Variants in RERGL observed in about 807,000 individuals in gnomAD.
RERGL encodes the protein ras-related and estrogen-regulated growth inhibitor-like protein.
RERGL carries 22 observed loss-of-function variants against 24.7 expected under a neutral mutation model. The ratio of observed to expected loss-of-function variants is 0.89; its 90% CI spans 0.64 to 1.27. The LOEUF is 1.27. Ranked by LOEUF, RERGL falls within the 50% of genes most tolerant of loss-of-function variation. RERGL has a pLI of 0.00. For synonymous variants in RERGL, 76 were observed against 82.6 expected (o/e 0.92, Z 0.43); for missense variants, 259 against 235.3 (o/e 1.10, Z -0.66).
intron 4 of RERGL, among the ~76,000 whole-genome samples, chr12:18,084,092 T>C (rs1291275122): frequency 6.6e-6 from 1 of 152,202 alleles, no homozygotes; most frequent in Non-Finnish European, 1.5e-5. Context: ...CAGTCTATTT[T>C]GCTTTGATAG....
chr12:18,085,975 A>G (rs1239488653), intron 2 of RERGL, among the ~76,000 whole-genome samples: 2 of 145,104 alleles, frequency 1.4e-5, no homozygotes, highest in African/African-American at 5.2e-5. Flanking sequence ...CTCCTGCCTC[A>G]GCCTCCCGAG....
At chr12:18,084,344 T>C (rs1052843307) in intron 4 of RERGL, among the ~76,000 whole-genome samples, 173 bp downstream of exon 4, 4 of 152,188 alleles carry the variant, frequency 2.6e-5, no homozygotes, top group African/African-American at 9.6e-5. Context: ...ATATAAAGCA[T>C]TCTCATCTTA....
chr12:18,083,669 C>G (rs1161742687), intron 4 of RERGL, among the ~76,000 whole-genome samples: 2 of 152,020 alleles, frequency 1.3e-5, no homozygotes, highest in Non-Finnish European at 2.9e-5. Context: ...CAATTATTAT[C>G]CATGATTTCT....
rs1947245160 is a variant in RERGL at position 18,088,974 on chromosome 12, T to C, written c.53-18A>G. 6 of 1,593,716 alleles carry C rather than the reference T, an allele frequency of 3.8e-6. No homozygotes were observed. The East Asian group carries it at 1.1e-4, about 30-fold the overall frequency. On this transcript the variant is annotated intron_variant, in intron 1 of 4. Transcript: ENST00000538724. ...TGTAAGGGCTGCAAAGCAAACAATCTAGATTTAGGGCTGTTATATTTTAGG... is the reference window on the plus strand; with the variant it reads ...TGTAAGGGCTGCAAAGCAAACAATCCAGATTTAGGGCTGTTATATTTTAGG...
intron 1 of RERGL, 193 bp from the exon 2 acceptor site, chr12:18,089,149 A>G (rs893042692): frequency 7.8e-7 from 1 of 1,278,174 alleles, no homozygotes; most frequent in African/African-American, 1.5e-5. Context: ...AGAAAGTTAG[A>G]AAGGAAGTGA....
chr12:18,083,123 G>A (rs187767991), intron 4 of RERGL, among the ~76,000 whole-genome samples: 1,641 of 151,972 alleles, frequency 0.011, 25 homozygotes, highest in African/African-American at 0.038. Flanking sequence ...TTTTAGTCTA[G>A]TTTATAAAAT....
intron 2 of RERGL, among the ~76,000 whole-genome samples, chr12:18,086,468 A>G (rs1947223431): frequency 6.6e-6 from 1 of 152,156 alleles, no homozygotes. Flanking sequence ...TTAATGGTTA[A>G]TTCTGTATCT....
chr12:18,085,904 C>T (rs945890393), intron 2 of RERGL, among the ~76,000 whole-genome samples: 1 of 141,532 alleles, frequency 7.1e-6, no homozygotes, highest in Non-Finnish European at 1.5e-5. Flanking sequence ...GTCACCTGGG[C>T]TGGAGTGCAG....
intron 1 of RERGL, chr12:18,089,438 C>T (rs1947249820): frequency 8.0e-7 from 1 of 1,249,588 alleles, no homozygotes; most frequent in Non-Finnish European, 1.0e-6. Flanking sequence ...CATCATGTCA[C>T]AGCTCCTGGG....
intron 1 of RERGL, chr12:18,089,286 G>C (rs1217050199): frequency 6.2e-7 from 1 of 1,601,552 alleles, no homozygotes; most frequent in Admixed American, 1.7e-5. Context: ...TTTGACATCT[G>C]TTTATTTTCT....
chr12:18,089,960 A>C, intron 1 of RERGL, 129 bp downstream of exon 1: 1 of 608,394 alleles, frequency 1.6e-6, no homozygotes, highest in Non-Finnish European at 2.5e-6. Flanking sequence ...CATCCCAGTG[A>C]GATAATGTTA....
intron 1 of RERGL, chr12:18,089,530 C>A: frequency 2.4e-6 from 1 of 416,278 alleles, no homozygotes; most frequent in Non-Finnish European, 4.0e-6. Context: ...TGACCGAAAC[C>A]AAAGCAAAAC....
rs1307881544 is a variant in RERGL, at chr12:18,085,676, G to A, written c.127C>T (p.His43Tyr). The A allele has an allele frequency of 1.9e-6, 3 of 1,598,128 alleles. No homozygotes were observed. The highest frequency in any genetic ancestry group is 2.6e-6 in the Non-Finnish European group (3 of 1,168,672). The change falls in exon 3 of 5, where the codon CAC becomes TAC. Residue 43 changes from histidine to tyrosine, a missense_variant. Transcript: ENST00000538724. ...ASNFESIYKK[H>Y]LCLERKQLNL... ...AGTTGTTTCCTTTCCAAACACAAGTGCTTCTTATAGATAGATTCTGCAAAA... is the reference window on the plus strand; with the variant it reads ...AGTTGTTTCCTTTCCAAACACAAGTACTTCTTATAGATAGATTCTGCAAAA...
At chr12:18,085,848 CTTT>C (rs1174192368) in intron 2 of RERGL, among the ~76,000 whole-genome samples, 155 bp from the exon 3 acceptor site, 25 of 118,590 alleles carry the variant, frequency 2.1e-4, no homozygotes, top group African/African-American at 4.8e-4. Flanking sequence ...AGATATGTTT[CTTT>C]TTTTTTTTTT....
intron 1 of RERGL, 36 bp from the exon 2 acceptor site, chr12:18,088,992 A>C (rs576765194): frequency 6.5e-7 from 1 of 1,534,862 alleles, no homozygotes; most frequent in African/African-American, 1.4e-5. Flanking sequence ...GGGCTGTTAT[A>C]TTTTAGGAAA....
chr12:18,084,068 AC>A (rs1473005146), intron 4 of RERGL, among the ~76,000 whole-genome samples: 3 of 152,120 alleles, frequency 2.0e-5, no homozygotes, highest in Non-Finnish European at 2.9e-5. Flanking sequence ...GAATTTGTAA[AC>A]AGTTTGATTA....
chr12:18,086,908 C>G (rs566286341), intron 2 of RERGL, among the ~76,000 whole-genome samples: 1 of 152,154 alleles, frequency 6.6e-6, no homozygotes, highest in Non-Finnish European at 1.5e-5. Context: ...AAAGGCTGCA[C>G]CTTCTACAAT....
intron 4 of RERGL, among the ~76,000 whole-genome samples, chr12:18,082,466 A>G (rs901644813): frequency 3.9e-5 from 6 of 152,194 alleles, no homozygotes; most frequent in African/African-American, 1.2e-4. Context: ...AAACCTGCAC[A>G]TGTACCCTGA....
Position 18,081,488 on chromosome 12 carries a change from C to G in RERGL, c.333-15G>C, listed in dbSNP as rs11043839. 5.4e-6 allele frequency: 8 copies of G among 1,479,600 alleles called. No homozygotes were observed. The East Asian group carries it at 1.9e-4, about 35-fold the overall frequency. 91.7% of individuals were successfully genotyped at this position (1,479,600 alleles called of 1,614,324 possible). A position where few individuals can be genotyped will look rare whatever the true frequency, so the allele number is the denominator to read the frequency against. On this transcript the variant is annotated splice_polypyrimidine_tract_variant and intron_variant, in intron 4 of 4. Coordinates refer to ENST00000538724, the MANE Select transcript of RERGL (RefSeq NM_001286201.2). ...ATTCCACAGCTCTGAAATAGAGATA[C>G]ACAATTTTTAGCAAGATTGTTTTAA...
Sources: gnomAD v4.1 joint callset for allele counts (sites outside exome capture counted in the v4.1 genomes callset) on GRCh38, gnomAD v4.1.1 for gene constraint, MANE v1.5 for transcripts, NCBI Gene and HGNC (gene_info 2026-07-23, HGNC 2026-07-21) for gene names.